Variants in NXPH1 observed in about 807,000 individuals in gnomAD.
NXPH1 encodes the protein neurexophilin 1.
In NXPH1, 5 loss-of-function variants were observed where a neutral mutation model predicts 23.7. That is an observed-to-expected ratio of 0.21 (90% confidence interval 0.11 to 0.44). NXPH1 has a LOEUF of 0.44. NXPH1 is among the 20% of genes least tolerant of loss of function. The pLI, the probability that NXPH1 is intolerant of heterozygous loss-of-function variation, is 0.99. For synonymous variants in NXPH1, 144 were observed against 122.2 expected (o/e 1.18, Z -1.18); for missense variants, 324 against 321.6 (o/e 1.01, Z -0.06).
intron 2 of NXPH1, among the ~76,000 whole-genome samples, chr7:8,693,926 C>T (rs1821262129): frequency 1.3e-5 from 2 of 152,218 alleles, no homozygotes; most frequent in South Asian, 4.2e-4. Context: ...TGTCATCACC[C>T]CACTTATGGT....
At chr7:8,589,645 C>T (rs1044753730) in intron 2 of NXPH1, among the ~76,000 whole-genome samples, 1 of 151,892 alleles carries the variant, frequency 6.6e-6, no homozygotes, top group Non-Finnish European at 1.5e-5. Context: ...AGAAAAAGAA[C>T]GAAAAAGATA....
chr7:8,744,667 T>A (rs1780438467), intron 2 of NXPH1, among the ~76,000 whole-genome samples: 3 of 152,220 alleles, frequency 2.0e-5, no homozygotes, highest in Admixed American at 1.3e-4. Flanking sequence ...CAGAATGACT[T>A]CCCACAGGCG....
At chr7:8,667,311 T>C (rs540907430) in intron 2 of NXPH1, among the ~76,000 whole-genome samples, 2 of 152,278 alleles carry the variant, frequency 1.3e-5, no homozygotes, top group South Asian at 4.1e-4. Flanking sequence ...GTCCCATTTT[T>C]TTTCAGCTTG....
intron 2 of NXPH1, among the ~76,000 whole-genome samples, chr7:8,559,100 G>T (rs1188784566): frequency 6.6e-6 from 1 of 151,468 alleles, no homozygotes; most frequent in Non-Finnish European, 1.5e-5. Flanking sequence ...GAGTAGCTGG[G>T]ACTATAGGTA....
chr7:8,536,787 T>C (rs1818034538), intron 2 of NXPH1, among the ~76,000 whole-genome samples: 1 of 151,860 alleles, frequency 6.6e-6, no homozygotes, highest in African/African-American at 2.4e-5. Flanking sequence ...GAGAGAAGCA[T>C]TCATATTTAG....
At chr7:8,636,581 A>G (rs1247413306) in intron 2 of NXPH1, among the ~76,000 whole-genome samples, 1 of 152,220 alleles carries the variant, frequency 6.6e-6, no homozygotes, top group Admixed American at 6.5e-5. Flanking sequence ...TGGAATGCCA[A>G]TTCCAGTCAT....
At chr7:8,499,699 G>A (rs958735014) in intron 2 of NXPH1, among the ~76,000 whole-genome samples, 1 of 152,050 alleles carries the variant, frequency 6.6e-6, no homozygotes, top group African/African-American at 2.4e-5. Context: ...ACAAAAGCTA[G>A]ACTCCCAGTG....
Sources: gnomAD v4.1 joint callset for allele counts (sites outside exome capture counted in the v4.1 genomes callset) on GRCh38, gnomAD v4.1.1 for gene constraint, MANE v1.5 for transcripts, NCBI Gene and HGNC (gene_info 2026-07-23, HGNC 2026-07-21) for gene names.